Variants in IFT56 observed in about 807,000 individuals in gnomAD.
IFT56 encodes the protein intraflagellar transport protein 56.
the IFT56 span, chr7:139,169,470 G>C: frequency 3.4e-6 from 3 of 876,942 alleles, no homozygotes; most frequent in African/African-American, 1.7e-5. Flanking sequence ...TATAAAGTGG[G>C]AGGTCAGAAA....
chr7:139,141,988 G>A, the IFT56 span, among the ~76,000 whole-genome samples: 3 of 152,324 alleles, frequency 2.0e-5, no homozygotes, highest in African/African-American at 7.2e-5. Flanking sequence ...CCATGTGTGT[G>A]GAGTGTTGCA....
the IFT56 span, among the ~76,000 whole-genome samples, chr7:139,170,680 CTG>C: frequency 2.0e-5 from 3 of 152,148 alleles, no homozygotes; most frequent in African/African-American, 7.2e-5. Context: ...CCCCCAAAAA[CTG>C]AGTATAAATG....
the IFT56 span, chr7:139,173,104 C>T: frequency 5.5e-6 from 4 of 723,102 alleles, no homozygotes; most frequent in South Asian, 4.6e-5. Context: ...GGTTGGCTGA[C>T]TCTCTGTGGA....
At chr7:139,161,755 A>C in the IFT56 span, among the ~76,000 whole-genome samples, 4 of 152,106 alleles carry the variant, frequency 2.6e-5, no homozygotes, top group South Asian at 2.1e-4. Context: ...ACTAAATCCT[A>C]TTCTCTTCTT....
the IFT56 span, chr7:139,178,130 T>C: frequency 1.0e-6 from 1 of 991,590 alleles, no homozygotes; most frequent in Non-Finnish European, 1.5e-6. Context: ...TTCCTGTCTT[T>C]AAATTATTAA....
chr7:139,148,179 G>A, the IFT56 span: 1 of 1,579,120 alleles, frequency 6.3e-7, no homozygotes, highest in Non-Finnish European at 8.7e-7. Context: ...GACTTAAATG[G>A]TTAACCCTAA....
the IFT56 span, among the ~76,000 whole-genome samples, chr7:139,154,766 C>T: frequency 3.2e-4 from 49 of 152,184 alleles, no homozygotes; most frequent in African/African-American, 1.1e-3. Flanking sequence ...AGGAAGTATG[C>T]GGCCTCCTAA....
At chr7:139,157,135 A>ATTTAT in the IFT56 span, among the ~76,000 whole-genome samples, 1 of 76,840 alleles carries the variant, frequency 1.3e-5, no homozygotes, top group Non-Finnish European at 3.0e-5. Flanking sequence ...TAGATCTTTA[A>ATTTAT]TTTCTTTTTT....
the IFT56 span, among the ~76,000 whole-genome samples, chr7:139,184,675 A>G: frequency 6.6e-6 from 1 of 152,098 alleles, no homozygotes; most frequent in Admixed American, 6.6e-5. Flanking sequence ...TTGGGAGGCC[A>G]AGGCAGGAGG....
the IFT56 span, chr7:139,166,827 T>C: frequency 1.8e-5 from 27 of 1,524,696 alleles, no homozygotes; most frequent in Non-Finnish European, 2.4e-5. Flanking sequence ...ATAATTACTT[T>C]GTTGTATTTC....
At chr7:139,160,633 C>T in the IFT56 span, among the ~76,000 whole-genome samples, 2 of 152,016 alleles carry the variant, frequency 1.3e-5, no homozygotes, top group African/African-American at 2.4e-5. Flanking sequence ...GGTTTCACCA[C>T]GTTGACCAGA....
At chr7:139,139,940 G>C in the IFT56 span, 5 of 1,613,052 alleles carry the variant, frequency 3.1e-6, no homozygotes, top group African/African-American at 5.3e-5. Context: ...AAGTCTGGGT[G>C]AACCTAGCTT....
At chr7:139,188,393 G>T in the IFT56 span, among the ~76,000 whole-genome samples, 3 of 152,052 alleles carry the variant, frequency 2.0e-5, no homozygotes, top group Non-Finnish European at 4.4e-5. Context: ...GAGCCACCAT[G>T]CCCAGCCTAT....
the IFT56 span, among the ~76,000 whole-genome samples, chr7:139,146,208 T>A: frequency 1.3e-5 from 2 of 152,274 alleles, no homozygotes; most frequent in Middle Eastern, 3.4e-3. Context: ...GAGTGAGCAA[T>A]CTACATATTA....
At chr7:139,163,277 G>A in the IFT56 span, among the ~76,000 whole-genome samples, 1 of 150,560 alleles carries the variant, frequency 6.6e-6, no homozygotes, top group Non-Finnish European at 1.5e-5. Flanking sequence ...GGGAGGCGAA[G>A]CTTGCAGTGA....
At chr7:139,185,022 C>T in the IFT56 span, among the ~76,000 whole-genome samples, 1 of 150,192 alleles carries the variant, frequency 6.7e-6, no homozygotes, top group African/African-American at 2.5e-5. Flanking sequence ...CCACTGCACT[C>T]CAGCCTGGGT....
the IFT56 span, chr7:139,173,415 G>A: frequency 1.9e-6 from 1 of 524,388 alleles, no homozygotes; most frequent in South Asian, 2.2e-5. Context: ...TTTTACTAGA[G>A]ACGAGGTTTC....
chr7:139,173,660 T>C, the IFT56 span: 1 of 775,848 alleles, frequency 1.3e-6, no homozygotes, highest in Non-Finnish European at 2.4e-6. Context: ...TGGGATATAA[T>C]GCACGTTCAT....
the IFT56 span, among the ~76,000 whole-genome samples, chr7:139,180,587 A>G: frequency 0.97 from 147,989 of 152,064 alleles, 72,053 homozygotes; most frequent in East Asian, 1. Flanking sequence ...GCACACACCT[A>G]TAATTCCAGC....
Sources: gnomAD v4.1 joint callset for allele counts (sites outside exome capture counted in the v4.1 genomes callset) on GRCh38, gnomAD v4.1.1 for gene constraint, MANE v1.5 for transcripts, NCBI Gene and HGNC (gene_info 2026-07-23, HGNC 2026-07-21) for gene names.